The following MACROD2 variants were observed in gnomAD, a reference collection of about 807,000 sequenced individuals.
MACROD2 encodes mono-ADP ribosylhydrolase 2, also known as ADP-ribose glycohydrolase MACROD2.
Under a neutral mutation model 70.4 loss-of-function variants are expected in MACROD2, and 36 were observed. The observed-to-expected ratio is 0.51, with a 90% CI of 0.39 to 0.68. The LOEUF (loss-of-function observed/expected upper bound fraction) is 0.68, where lower values mean the gene tolerates loss of function less well. Ranked by LOEUF, MACROD2 falls within the 30% of genes least tolerant of loss-of-function variation. The probability of loss-of-function intolerance (pLI) is 0.00; values close to 1 mark genes in which losing one functional copy is unlikely to be tolerated. For missense variants in MACROD2, 496 were observed against 538.4 expected (o/e 0.92, Z 0.78); for synonymous variants, 172 against 178.8 (o/e 0.96, Z 0.30).
intron 6 of MACROD2, among the ~76,000 whole-genome samples, chr20:15,236,051 T>G (rs1435459880): frequency 1.3e-5 from 2 of 152,368 alleles, no homozygotes; most frequent in Non-Finnish European, 2.9e-5. Context: ...ACAAAGGCAC[T>G]TTTGCATTTG....
chr20:14,301,266 T>A (rs146086970), intron 3 of MACROD2, among the ~76,000 whole-genome samples: 6 of 152,078 alleles, frequency 3.9e-5, no homozygotes, highest in Non-Finnish European at 7.3e-5. Context: ...ATATACTTTA[T>A]ATTTTTAAAA....
intron 5 of MACROD2, among the ~76,000 whole-genome samples, chr20:14,714,617 G>A (rs1600576614): frequency 6.6e-6 from 1 of 152,226 alleles, no homozygotes; most frequent in East Asian, 1.9e-4. Context: ...TTTAAAAACT[G>A]TGTCTCATTC....
intron 8 of MACROD2, among the ~76,000 whole-genome samples, chr20:15,530,105 T>TA (rs2047776400): frequency 6.6e-6 from 1 of 152,232 alleles, no homozygotes; most frequent in South Asian, 2.1e-4. Flanking sequence ...TAAAAAGTTT[T>TA]ATTTGTTACC....
At chr20:14,626,434 A>G (rs565717175) in intron 4 of MACROD2, among the ~76,000 whole-genome samples, 20 of 152,298 alleles carry the variant, frequency 1.3e-4, no homozygotes, top group Non-Finnish European at 1.8e-4. Context: ...ACTACAATCA[A>G]TAGGTCCAGG....
At chr20:15,370,949 CTTAAGTT>C (rs1194352688) in intron 6 of MACROD2, among the ~76,000 whole-genome samples, 1 of 152,022 alleles carries the variant, frequency 6.6e-6, no homozygotes, top group Non-Finnish European at 1.5e-5. Context: ...TCCATATTGT[CTTAAGTT>C]TTAACTGTAA....
rs562930791 is a variant in MACROD2, at chr20:14,078,335, A to G, written c.164-7286A>G. ...AACTATTGTTTCATAGTTATCGAGG[A>G]TCCTGTTTAATCAGCATTCAAATCT... On this transcript the variant is annotated intron_variant, in intron 2 of 17. Transcript: ENST00000684519. Among the ~76,000 whole-genome samples the G allele has an allele frequency of 7.1e-3, 1,074 of 152,274 alleles. 12 individuals carry two copies. The highest frequency in any genetic ancestry group is 0.024 in the African/African-American group (1,002 of 41,560).
intron 5 of MACROD2, among the ~76,000 whole-genome samples, chr20:14,891,491 A>T (rs112958269): frequency 0.013 from 1,974 of 152,290 alleles, 35 homozygotes; most frequent in East Asian, 0.056. Context: ...TTCTTGGAAG[A>T]TAACAACCAG....
At chr20:15,826,938 G>A (rs1206489266) in intron 8 of MACROD2, among the ~76,000 whole-genome samples, 3 of 152,150 alleles carry the variant, frequency 2.0e-5, no homozygotes, top group Non-Finnish European at 4.4e-5. Flanking sequence ...AACAGTTAAA[G>A]GAATAATAAG....
At chr20:15,869,232 T>TAGAGAGAGAGAGAGAGAGAG (rs1282844011) in intron 9 of MACROD2, among the ~76,000 whole-genome samples, 1 of 33,108 alleles carries the variant, frequency 3.0e-5, no homozygotes. Context: ...TATATATATA[T>TAGAGAGAGAGAGAGAGAGAG]ATATATAGAG....
chr20:14,898,422 A>G (rs1350442308), intron 5 of MACROD2, among the ~76,000 whole-genome samples: 1 of 152,162 alleles, frequency 6.6e-6, no homozygotes, highest in Admixed American at 6.5e-5. Flanking sequence ...AGTTAGGTCA[A>G]TTCAACTAAT....
intron 1 of MACROD2, among the ~76,000 whole-genome samples, chr20:13,999,053 A>G (rs2052699458): frequency 1.3e-5 from 2 of 151,940 alleles, no homozygotes; most frequent in Admixed American, 6.6e-5. Context: ...GTTCCTTTAC[A>G]TGTCCTTTTG....
intron 3 of MACROD2, among the ~76,000 whole-genome samples, chr20:14,420,984 TGCCCA>T (rs2122894080): frequency 6.6e-6 from 1 of 152,352 alleles, no homozygotes; most frequent in Non-Finnish European, 1.5e-5. Context: ...TGAGCTACTA[TGCCCA>T]GCCTTGAAAG....
intron 7 of MACROD2, among the ~76,000 whole-genome samples, chr20:15,479,474 GT>G (rs1327924711): frequency 2.6e-5 from 4 of 151,290 alleles, no homozygotes; most frequent in African/African-American, 9.7e-5. Flanking sequence ...GGGTTTCACC[GT>G]TTTTAGCCAG....
intron 8 of MACROD2, among the ~76,000 whole-genome samples, chr20:15,792,211 C>T (rs2063630315): frequency 1.3e-5 from 2 of 152,024 alleles, no homozygotes; most frequent in Non-Finnish European, 2.9e-5. Flanking sequence ...ATGGTAGTCT[C>T]ATTTCTCTTA....
intron 5 of MACROD2, among the ~76,000 whole-genome samples, chr20:14,764,186 G>A (rs530200880): frequency 3.9e-5 from 6 of 152,112 alleles, no homozygotes; most frequent in South Asian, 2.1e-4. Flanking sequence ...TTCTTTTCCC[G>A]CCTTCCCCAC....
At chr20:14,830,759 G>A (rs1600706134) in intron 5 of MACROD2, among the ~76,000 whole-genome samples, 1 of 152,078 alleles carries the variant, frequency 6.6e-6, no homozygotes, top group Non-Finnish European at 1.5e-5. Flanking sequence ...TTTCACCTAC[G>A]TGATAGCACA....
intron 16 of MACROD2, among the ~76,000 whole-genome samples, chr20:16,043,540 T>G (rs1361577901): frequency 1.3e-5 from 2 of 152,050 alleles, no homozygotes; most frequent in African/African-American, 4.8e-5. Flanking sequence ...TTAGAGTGAG[T>G]GCTATGCCTG....
intron 5 of MACROD2, among the ~76,000 whole-genome samples, chr20:15,087,167 T>C (rs1397173752): frequency 6.6e-6 from 1 of 152,088 alleles, no homozygotes; most frequent in Non-Finnish European, 1.5e-5. Flanking sequence ...CACTTTTATA[T>C]TGAGAATGTA....
At chr20:14,104,528 G>A (rs1231673168) in intron 3 of MACROD2, among the ~76,000 whole-genome samples, 1 of 152,182 alleles carries the variant, frequency 6.6e-6, no homozygotes, top group Non-Finnish European at 1.5e-5. Context: ...CTACCATGTA[G>A]CACAGCACTT....
Sources: gnomAD v4.1 joint callset for allele counts (sites outside exome capture counted in the v4.1 genomes callset) on GRCh38, gnomAD v4.1.1 for gene constraint, MANE v1.5 for transcripts, NCBI Gene and HGNC (gene_info 2026-07-23, HGNC 2026-07-21) for gene names.